Variants in GOLGA8A observed in about 807,000 individuals in gnomAD.
GOLGA8A encodes the protein golgin A8 family member A, also known as golgin subfamily A member 8A.
A neutral mutation model predicts 22.1 loss-of-function variants in GOLGA8A; 3 were observed. That is an observed-to-expected ratio of 0.14 (90% CI 0.06 to 0.35). GOLGA8A has a LOEUF of 0.35. Ranked by LOEUF, GOLGA8A falls within the 10% of genes least tolerant of loss-of-function variation. The pLI is 1.00. For synonymous variants in GOLGA8A, 7 were observed against 91.7 expected (o/e 0.08, Z 5.28); for missense variants, 16 against 233.2 (o/e 0.07, Z 6.07).
intron 1 of GOLGA8A, among the ~76,000 whole-genome samples, chr15:34,436,604 C>A (rs1893525791): frequency 6.7e-6 from 1 of 150,076 alleles, no homozygotes; most frequent in Non-Finnish European, 1.5e-5. Context: ...GTTCCCCGCA[C>A]CCTCCCTCCG....
intron 2 of GOLGA8A, chr15:34,416,468 C>T (rs1317774798): frequency 7.2e-6 from 1 of 139,504 alleles, no homozygotes; most frequent in Non-Finnish European, 1.5e-5. Context: ...TTTAAAATGC[C>T]CCCTTTTGTT....
intron 1 of GOLGA8A, among the ~76,000 whole-genome samples, chr15:34,437,060 G>T (rs1027955753): frequency 1.3e-5 from 2 of 148,564 alleles, no homozygotes; most frequent in African/African-American, 5.0e-5. Flanking sequence ...CGAGCGGGCG[G>T]CCCCGCCAGA....
In GOLGA8A at chr15:34,426,748, A is replaced by C. The variant is rs929938261; in HGVS notation, c.-1123+8635T>G. ...ATTGCGAGAAGGCAAAATTTTTTTA[A>C]AACAGAGACATCAAGCCAGGTACAG... On this transcript the variant is annotated intron_variant, in intron 2 of 24. Coordinates refer to ENST00000359187, the MANE Select transcript of GOLGA8A (RefSeq NM_181077.5). Among the ~76,000 whole-genome samples, 13 of 143,812 alleles carry C rather than the reference A, an allele frequency of 9.0e-5. 2 individuals carry two copies. The highest frequency in any genetic ancestry group is 1.7e-4 in the Non-Finnish European group (11 of 65,422). 94.3% of individuals were successfully genotyped at this position (143,812 alleles called of 152,430 possible). A position where few individuals can be genotyped will look rare whatever the true frequency, so the allele number is the denominator to read the frequency against.
chr15:34,416,115 T>A (rs1384399558), intron 2 of GOLGA8A: 2 of 151,812 alleles, frequency 1.3e-5, no homozygotes, highest in Admixed American at 6.6e-5. Flanking sequence ...TTCTATAGGT[T>A]AAAGGAAGTC....
In GOLGA8A at chr15:34,379,742, T is replaced by A. The variant is rs767395671; in HGVS notation, c.*1669A>T. 1 of 152,646 alleles carries A rather than the reference T, an allele frequency of 6.6e-6. No homozygotes were observed. Among genetic ancestry groups the A allele is most frequent in the African/African-American group, 2.4e-5 (1 of 41,472 alleles). The allele number at this position is 152,646 out of a possible 1,614,324, so 9.5% of individuals were successfully genotyped here. A position where few individuals can be genotyped will look rare whatever the true frequency, so the allele number is the denominator to read the frequency against. On this transcript the variant is annotated 3_prime_UTR_variant, in exon 25 of 25. Coordinates refer to ENST00000359187, the MANE Select transcript of GOLGA8A (RefSeq NM_181077.5). ...TACAACCTAATAATGTGATGTGTTT[T>A]GGAACACAGACATTAGAACTTCATG...
Position 34,429,942 on chromosome 15 carries a change from T to A in GOLGA8A, c.-1123+5441A>T, listed in dbSNP as rs376372441. The stretch of plus-strand genomic sequence containing the variant: ...TGTGACAGATAAAAGGAGCAACACA[T>A]ACAAGGAGTTAGGCCGGGGTTGCCA... On this transcript the variant is annotated intron_variant, in intron 2 of 24. Coordinates refer to ENST00000359187, the MANE Select transcript of GOLGA8A (RefSeq NM_181077.5). Among the ~76,000 whole-genome samples, 20 of 148,016 alleles carry A rather than the reference T, an allele frequency of 1.4e-4. 1 individual carries two copies. Among genetic ancestry groups the A allele is most frequent in the South Asian group, 1.3e-3 (6 of 4,526 alleles).
At chr15:34,424,804 A>T (rs753136175) in intron 2 of GOLGA8A, among the ~76,000 whole-genome samples, 4,437 of 126,152 alleles carry the variant, frequency 0.035, 31 homozygotes, top group East Asian at 0.081. Flanking sequence ...AGTTTATTCT[A>T]AAGTTTATCT....
rs529719501 is a variant in GOLGA8A, at chr15:34,380,252, A to G, written c.*1159T>C. On this transcript the variant is annotated 3_prime_UTR_variant, in exon 25 of 25. Coordinates refer to ENST00000359187, the MANE Select transcript of GOLGA8A (RefSeq NM_181077.5). ...AGGTATTAGCCAGAGAGGTCTAGAT[A>G]GTAAAATCAAACTTCAAGCCTCAAA... is the stretch of plus-strand genomic sequence containing the variant. The G allele has an allele frequency of 2.6e-5, 4 of 152,320 alleles. No homozygotes were observed. The East Asian group carries it at 5.8e-4, about 22-fold the overall frequency. The allele number at this position is 152,320 out of a possible 1,614,324, so 9.4% of individuals were successfully genotyped here.
Position 34,436,407 on chromosome 15 carries a change from C to G in GOLGA8A, c.-1211-936G>C, listed in dbSNP as rs189516759. The stretch of plus-strand genomic sequence containing the variant: ...GCCAAGTTTGGGGCGCTTCCTCCAC[C>G]GCATGCCTGTTTAGGAGCTGACTGC... On this transcript the variant is annotated intron_variant, in intron 1 of 24. Transcript: ENST00000359187. 7.8e-3 allele frequency among the ~76,000 whole-genome samples: 1,175 copies of G among 150,016 alleles called. 84 individuals carry two copies. Among genetic ancestry groups the G allele is most frequent in the Non-Finnish European group, 0.011 (755 of 67,248 alleles).
At chr15:34,431,345 A>ATCTCTCTCTCTCTCTCTC (rs1232402619) in intron 2 of GOLGA8A, among the ~76,000 whole-genome samples, 21 of 130,504 alleles carry the variant, frequency 1.6e-4, no homozygotes, top group African/African-American at 5.8e-4. Flanking sequence ...ATATATATAT[A>ATCTCTCTCTCTCTCTCTC]TCTCACACAC....
chr15:34,437,750 C>G lies in GOLGA8A; in HGVS notation c.-1564G>C, dbSNP rs112954048. Among the ~76,000 whole-genome samples, 3 of 122,866 alleles carry G rather than the reference C, an allele frequency of 2.4e-5. 1 individual carries two copies. The highest frequency in any genetic ancestry group is 2.8e-5 in the African/African-American group (1 of 35,914). The allele number at this position is 122,866 out of a possible 152,430, so 80.6% of individuals were successfully genotyped here. ...GGGTCTCTCCCGGGGGCTGAGCTCCCGCAGAGCTCGCGCCTAGCCGCACAC... is the reference window on the plus strand; with the variant it reads ...GGGTCTCTCCCGGGGGCTGAGCTCCGGCAGAGCTCGCGCCTAGCCGCACAC... On this transcript the variant is annotated 5_prime_UTR_variant, in exon 1 of 25. Coordinates refer to ENST00000359187, the MANE Select transcript of GOLGA8A (RefSeq NM_181077.5).
Position 34,380,226 on chromosome 15 carries a change from T to C in GOLGA8A, c.*1185A>G, listed in dbSNP as rs1891414053. Reference sequence around the variant, plus strand: ...CAGAGTAACCGAGGTGGTTGAAGAATAGGTATTAGCCAGAGAGGTCTAGAT... The same window carrying C: ...CAGAGTAACCGAGGTGGTTGAAGAACAGGTATTAGCCAGAGAGGTCTAGAT... On this transcript the variant is annotated 3_prime_UTR_variant, in exon 25 of 25. Coordinates refer to ENST00000359187, the MANE Select transcript of GOLGA8A (RefSeq NM_181077.5). 1 of 152,184 alleles carries C rather than the reference T, an allele frequency of 6.6e-6. No homozygotes were observed. Among genetic ancestry groups the C allele is most frequent in the Non-Finnish European group, 1.5e-5 (1 of 68,034 alleles). 9.4% of individuals were successfully genotyped at this position (152,184 alleles called of 1,614,324 possible).
At chr15:34,404,881 CAAAA>C (rs1892166467) in intron 5 of GOLGA8A, 32 bp downstream of exon 5, 1 of 76,260 alleles carries the variant, frequency 1.3e-5, no homozygotes, top group Admixed American at 1.5e-4. Flanking sequence ...ATTACTTAAA[CAAAA>C]ATCCAGGCTC....
intron 12 of GOLGA8A, among the ~76,000 whole-genome samples, 196 bp downstream of exon 12, chr15:34,386,425 GAGGA>G (rs1891722972): frequency 7.4e-6 from 1 of 134,508 alleles, no homozygotes; most frequent in Admixed American, 7.5e-5. Context: ...GGTGCCTGGA[GAGGA>G]GAGAGTCGGC....
chr15:34,381,474 G>C lies in GOLGA8A; in HGVS notation c.1749C>G (p.Gly583=), dbSNP rs1406480321. The C allele has an allele frequency of 1.2e-6, 2 of 1,612,622 alleles. No individual in the cohort carries two copies. The highest frequency in any genetic ancestry group is 8.5e-7 in the Non-Finnish European group (1 of 1,179,834). Residue 583 remains glycine (G), a synonymous_variant, in exon 25 of 25, where the codon GGC becomes GGG. Coordinates refer to ENST00000359187, the MANE Select transcript of GOLGA8A (RefSeq NM_181077.5). ...ATGGCACACAGCAGTTGCTGCCCAAGCCTGGGTGCTCCTGGTGGTCCTGCA... is the reference window on the plus strand; with the variant it reads ...ATGGCACACAGCAGTTGCTGCCCAACCCTGGGTGCTCCTGGTGGTCCTGCA... ...GEMQDHQEHP[G]LGSNCCVPCF... is the part of the protein sequence containing the mutation.
chr15:34,433,790 G>A (rs4041404), intron 2 of GOLGA8A, among the ~76,000 whole-genome samples: 21 of 149,758 alleles, frequency 1.4e-4, no homozygotes, highest in East Asian at 9.8e-4. Context: ...CAATTGAGTG[G>A]TAAGAGACTG....
chr15:34,428,783 C>G (rs1437615826), intron 2 of GOLGA8A: 5 of 147,614 alleles, frequency 3.4e-5, no homozygotes, highest in Non-Finnish European at 6.0e-5. Context: ...AATGTCTCCC[C>G]AGACCCCACC....
intron 2 of GOLGA8A, among the ~76,000 whole-genome samples, chr15:34,423,861 C>T (rs996563767): frequency 4.0e-5 from 6 of 148,310 alleles, no homozygotes; most frequent in African/African-American, 1.5e-4. Context: ...CTTCTCCCTA[C>T]CCCCTCATCT....
intron 4 of GOLGA8A, among the ~76,000 whole-genome samples, chr15:34,405,444 C>T (rs574490098): frequency 2.0e-5 from 3 of 147,332 alleles, no homozygotes; most frequent in East Asian, 4.1e-4. Context: ...AAGTGATTCT[C>T]GTGCCTCAGT....
Sources: gnomAD v4.1 joint callset for allele counts (sites outside exome capture counted in the v4.1 genomes callset) on GRCh38, gnomAD v4.1.1 for gene constraint, MANE v1.5 for transcripts, NCBI Gene and HGNC (gene_info 2026-07-23, HGNC 2026-07-21) for gene names.